Variants in LGI2 observed in about 807,000 individuals in gnomAD.
LGI2 encodes the protein leucine rich repeat LGI family member 2.
A neutral mutation model predicts 52.0 loss-of-function variants in LGI2; 30 were observed. The observed-to-expected ratio is 0.58, with a 90% CI of 0.43 to 0.78. The LOEUF (loss-of-function observed/expected upper bound fraction) is 0.78. Among genes scored for constraint, LGI2 ranks in the 30% least tolerant of loss-of-function variants. The probability of loss-of-function intolerance (pLI) is 0.00; values close to 1 mark genes in which losing one functional copy is unlikely to be tolerated. For synonymous variants in LGI2, 270 were observed against 271.8 expected, an observed-to-expected ratio of 0.99 and a Z score of 0.06; for missense variants, 573 against 692.5, an observed-to-expected ratio of 0.83 and a Z score of 1.94.
chr4:24,995,657 C>G (rs1295529957), downstream of LGI2, among the ~76,000 whole-genome samples: 1 of 152,180 alleles, frequency 6.6e-6, no homozygotes, highest in East Asian at 1.9e-4. Context: ...AACACTTTTG[C>G]CACATTCTAC....
downstream of LGI2, among the ~76,000 whole-genome samples, chr4:24,994,158 T>C (rs1036485142): frequency 6.6e-6 from 1 of 152,142 alleles, no homozygotes; most frequent in African/African-American, 2.4e-5. Flanking sequence ...CTGAACAACA[T>C]CAAGTCCTTT....
In LGI2 at chr4:25,012,329, A is replaced by G. The variant is rs1725612482; in HGVS notation, c.820+6T>C. ...TTCAACACATCTGATCAAAGCCACAACACACCTGTAATGTTGTCATAGCTC... is the reference window on the plus strand; with the variant it reads ...TTCAACACATCTGATCAAAGCCACAGCACACCTGTAATGTTGTCATAGCTC... On this transcript the variant is annotated splice_donor_region_variant and intron_variant, in intron 7 of 7. Transcript: ENST00000382114. The G allele has an allele frequency of 1.2e-6, 2 of 1,614,050 alleles. No individual in the cohort carries two copies. Among genetic ancestry groups the G allele is most frequent in the South Asian group, 1.1e-5 (1 of 91,072 alleles).
chr4:25,021,654 G>A (rs776872008), intron 4 of LGI2, among the ~76,000 whole-genome samples: 4 of 152,060 alleles, frequency 2.6e-5, no homozygotes, highest in East Asian at 1.9e-4. Flanking sequence ...TCGCCTGGCC[G>A]GGCGCGGTGG....
intron 7 of LGI2, among the ~76,000 whole-genome samples, chr4:25,011,363 G>T (rs1228529790): frequency 6.6e-6 from 1 of 152,136 alleles, no homozygotes; most frequent in African/African-American, 2.4e-5. Flanking sequence ...GCTCAGCACG[G>T]GGAGGCCAGA....
rs373989769 is a variant in LGI2, at chr4:25,011,673, C to G, written c.820+662G>C. On this transcript the variant is annotated intron_variant, in intron 7 of 7. Coordinates refer to ENST00000382114, the MANE Select transcript of LGI2 (RefSeq NM_018176.4). ...TTAGACCTTTGTGGCACTGTTTACA[C>G]AGTATTGTTATCAGATTGCACGTTG... Among the ~76,000 whole-genome samples the G allele has an allele frequency of 2.6e-5, 4 of 152,348 alleles. No individual in the cohort carries two copies. The East Asian group carries it at 5.8e-4, about 22-fold the overall frequency.
At chr4:24,996,832 A>C (rs1162539298), downstream of LGI2, among the ~76,000 whole-genome samples, 1 of 152,188 alleles carries the variant, frequency 6.6e-6, no homozygotes, top group Non-Finnish European at 1.5e-5. Context: ...GAGGAAGAAA[A>C]CTTAGCTGGA....
intron 1 of LGI2, among the ~76,000 whole-genome samples, chr4:25,029,518 C>A (rs1181745287): frequency 6.6e-6 from 1 of 152,208 alleles, no homozygotes; most frequent in Non-Finnish European, 1.5e-5. Context: ...TGACTGGGCA[C>A]CCAGGCATCT....
chr4:25,022,692 C>T (rs966519280), intron 4 of LGI2, among the ~76,000 whole-genome samples: 5 of 152,270 alleles, frequency 3.3e-5, no homozygotes, highest in Middle Eastern at 3.4e-3. Flanking sequence ...TATATAAGTC[C>T]ATGCACCCGA....
chr4:24,994,030 T>C (rs1288430059), downstream of LGI2, among the ~76,000 whole-genome samples: 1 of 152,198 alleles, frequency 6.6e-6, no homozygotes, highest in East Asian at 1.9e-4. Flanking sequence ...ACCTGCTTCC[T>C]TTTTCAGGAC....
Position 25,028,494 on chromosome 4 carries a change from T to A in LGI2, c.269+13A>T. On this transcript the variant is annotated intron_variant, in intron 2 of 7. Coordinates refer to ENST00000382114, the MANE Select transcript of LGI2 (RefSeq NM_018176.4). Reference sequence around the variant, plus strand: ...GGGCCCCCCATTGTGCAGAGGGAACTTCCCATACTCACAGCAGCTGCAGAG... The same window carrying A: ...GGGCCCCCCATTGTGCAGAGGGAACATCCCATACTCACAGCAGCTGCAGAG... 1 of 1,611,950 alleles carries A rather than the reference T, an allele frequency of 6.2e-7. No individual in the cohort carries two copies.
intron 1 of LGI2, 62 bp from the exon 2 acceptor site, chr4:25,028,640 G>T: frequency 7.1e-7 from 1 of 1,417,508 alleles, no homozygotes; most frequent in South Asian, 1.2e-5. Flanking sequence ...CATGCAGGGT[G>T]GGTAATCAAA....
At chr4:25,014,630 A>C (rs1292031709) in intron 6 of LGI2, among the ~76,000 whole-genome samples, 1 of 152,080 alleles carries the variant, frequency 6.6e-6, no homozygotes, top group African/African-American at 2.4e-5. Context: ...GGAGTTTGAG[A>C]CCAGACTAGC....
Position 25,012,407 on chromosome 4 carries a change from TG to T in LGI2, c.747del (p.Ser250AlafsTer15). ...KNDVYVAIAQ[P>X]SMENCMVLEW... ...TCCAGCACCATGCAGTTCTCCATGC[TG>T]GGCTGCGCGATGGCCACGTACACAT... On this transcript the variant is annotated frameshift_variant, in exon 7 of 8. Transcript: ENST00000382114. LOFTEE classifies it high-confidence loss of function. The T allele has an allele frequency of 1.2e-6, 2 of 1,614,258 alleles. No homozygotes were observed. Among genetic ancestry groups the T allele is most frequent in the Non-Finnish European group, 1.7e-6 (2 of 1,180,038 alleles).
chr4:25,009,438 C>A (rs1222001428), intron 7 of LGI2, among the ~76,000 whole-genome samples: 2 of 152,150 alleles, frequency 1.3e-5, no homozygotes, highest in African/African-American at 4.8e-5. Flanking sequence ...ACCCTCTACC[C>A]AAGCCTTCAA....
intron 4 of LGI2, among the ~76,000 whole-genome samples, chr4:25,022,376 G>A (rs961515387): frequency 6.6e-6 from 1 of 152,170 alleles, no homozygotes; most frequent in Non-Finnish European, 1.5e-5. Flanking sequence ...GATGGGGTGG[G>A]GGAGCGCCGA....
intron 4 of LGI2, 44 bp from the exon 5 acceptor site, chr4:25,019,282 C>G: frequency 7.8e-7 from 1 of 1,276,998 alleles, no homozygotes; most frequent in Non-Finnish European, 1.1e-6. Context: ...TTATCTCATG[C>G]CCTGTCACTC....
chr4:25,013,881 T>G (rs1009770478), intron 6 of LGI2, among the ~76,000 whole-genome samples: 1 of 152,150 alleles, frequency 6.6e-6, no homozygotes, highest in African/African-American at 2.4e-5. Context: ...CTCTGTTCAC[T>G]CCTGTTGGCA....
At chr4:25,028,902 A>G (rs781010750) in intron 1 of LGI2, among the ~76,000 whole-genome samples, 3 of 152,202 alleles carry the variant, frequency 2.0e-5, no homozygotes, top group Non-Finnish European at 4.4e-5. Context: ...AAAATGGATA[A>G]TCGCTTCACC....
At chr4:25,016,695 C>G (rs1233350465) in intron 6 of LGI2, among the ~76,000 whole-genome samples, 2 of 152,166 alleles carry the variant, frequency 1.3e-5, no homozygotes, top group Non-Finnish European at 2.9e-5. Context: ...TAGAAATGAT[C>G]TTTACTTTCT....
Sources: gnomAD v4.1 joint callset for allele counts (sites outside exome capture counted in the v4.1 genomes callset) on GRCh38, gnomAD v4.1.1 for gene constraint, MANE v1.5 for transcripts, NCBI Gene and HGNC (gene_info 2026-07-23, HGNC 2026-07-21) for gene names.